Variants in ZBTB7C observed in about 807,000 individuals in gnomAD.
ZBTB7C encodes the protein zinc finger and BTB domain containing 7C.
A neutral mutation model predicts 25.7 loss-of-function variants in ZBTB7C; 8 were observed. The observed-to-expected ratio is 0.31, with a 90% CI of 0.18 to 0.56. The LOEUF is 0.56. Ranked by LOEUF, ZBTB7C falls within the 20% of genes least tolerant of loss-of-function variation. ZBTB7C has a pLI of 0.91. For synonymous variants in ZBTB7C, 394 were observed against 369.0 expected (o/e 1.07, Z -0.78); for missense variants, 824 against 855.2 (o/e 0.96, Z 0.46).
intron 3 of ZBTB7C, among the ~76,000 whole-genome samples, chr18:48,138,114 A>G (rs1286393814): frequency 6.6e-6 from 1 of 152,258 alleles, no homozygotes; most frequent in African/African-American, 2.4e-5. Context: ...CATGGAAAAT[A>G]AGCACAAAAC....
chr18:48,221,272 A>G (rs2042947201), intron 2 of ZBTB7C, among the ~76,000 whole-genome samples: 2 of 146,392 alleles, frequency 1.4e-5, no homozygotes, highest in African/African-American at 2.6e-5. Flanking sequence ...GACTCCCTCT[A>G]TACTGTCCTT....
chr18:48,306,734 C>T (rs1258432489), intron 2 of ZBTB7C, among the ~76,000 whole-genome samples: 1 of 152,152 alleles, frequency 6.6e-6, no homozygotes, highest in Non-Finnish European at 1.5e-5. Flanking sequence ...GGTATGGGGT[C>T]AGAGCCCAGC....
intron 2 of ZBTB7C, among the ~76,000 whole-genome samples, chr18:48,281,222 T>C (rs1431829249): frequency 1.3e-5 from 2 of 152,112 alleles, no homozygotes; most frequent in African/African-American, 4.8e-5. Context: ...GGAGTCCCTA[T>C]TTAATAAATG....
intron 2 of ZBTB7C, among the ~76,000 whole-genome samples, chr18:48,331,435 G>A (rs572167109): frequency 1.3e-5 from 2 of 152,310 alleles, no homozygotes; most frequent in East Asian, 3.9e-4. Context: ...CCAATGACTA[G>A]TGAGTAACCA....
chr18:48,029,457 G>T lies in ZBTB7C; in HGVS notation c.1663C>A (p.Gln555Lys). 1 of 1,598,108 alleles carries T rather than the reference G, an allele frequency of 6.3e-7. No individual in the cohort carries two copies. The highest frequency in any genetic ancestry group is 8.5e-7 in the Non-Finnish European group (1 of 1,175,428). ...QELERQFEET[Q>K]MKLFGRAQLE... ...TGCGCGCGCCCGAACAGCTTCATCT[G>T]TGTCTCCTCGAACTGCCGCTCCAGC... Residue 555 changes from glutamine to lysine, a missense_variant, in exon 5 of 5, where the codon CAG (glutamine) becomes AAG (lysine). By Grantham distance (53) the Gln-to-Lys change is moderately conservative. Around this residue, in one of 4 missense-constraint regions of ZBTB7C, gnomAD observed 342 missense variants for 307.0 expected, o/e 1.11. Transcript: ENST00000590800.
At chr18:48,093,920 G>A (rs781035264) in intron 3 of ZBTB7C, among the ~76,000 whole-genome samples, 12 of 152,090 alleles carry the variant, frequency 7.9e-5, no homozygotes, top group African/African-American at 1.2e-4. Context: ...TTAGCTGGGC[G>A]TAGTGGCAGG....
At chr18:48,190,880 C>T (rs1024580389) in intron 2 of ZBTB7C, among the ~76,000 whole-genome samples, 4 of 152,200 alleles carry the variant, frequency 2.6e-5, no homozygotes, top group African/African-American at 9.7e-5. Flanking sequence ...CTTCCCCCCA[C>T]CACCCAATCT....
chr18:48,343,023 G>A (rs2156648), intron 1 of ZBTB7C, among the ~76,000 whole-genome samples: 5,813 of 152,244 alleles, frequency 0.038, 230 homozygotes, highest in East Asian at 0.17. Flanking sequence ...GACCCAGGAC[G>A]CTCAGGCCAC....
At chr18:48,091,035 A>G (rs1243601433) in intron 3 of ZBTB7C, among the ~76,000 whole-genome samples, 1 of 152,116 alleles carries the variant, frequency 6.6e-6, no homozygotes, top group Non-Finnish European at 1.5e-5. Context: ...TAATTTTAAC[A>G]ATATATTTTA....
chr18:48,186,463 A>G (rs530469139), intron 2 of ZBTB7C, among the ~76,000 whole-genome samples: 5 of 152,230 alleles, frequency 3.3e-5, no homozygotes, highest in African/African-American at 4.8e-5. Context: ...AATTGCATTC[A>G]TGGACCCCAA....
intron 3 of ZBTB7C, among the ~76,000 whole-genome samples, chr18:48,181,844 C>T (rs2041933038): frequency 6.6e-6 from 1 of 152,200 alleles, no homozygotes; most frequent in African/African-American, 2.4e-5. Context: ...GATGTGTCTA[C>T]TAAAAACAAC....
intron 3 of ZBTB7C, among the ~76,000 whole-genome samples, chr18:48,098,947 G>A (rs2038737045): frequency 6.6e-6 from 1 of 152,180 alleles, no homozygotes. Flanking sequence ...AGGAGACAAA[G>A]AAACCTGAGT....
rs1411515509 is a variant in ZBTB7C, at chr18:48,171,317, G to A, written c.-17+14617C>T. Among the ~76,000 whole-genome samples, 3 of 152,194 alleles carry A rather than the reference G, an allele frequency of 2.0e-5. No homozygotes were observed. The East Asian group carries it at 5.8e-4, about 29-fold the overall frequency. Reference sequence around the variant, plus strand: ...GCTTTGGCCATCTCACCCCCTCCTGGAGAGCAATGGGCATGCCACACTGGG... The same window carrying A: ...GCTTTGGCCATCTCACCCCCTCCTGAAGAGCAATGGGCATGCCACACTGGG... On this transcript the variant is annotated intron_variant, in intron 3 of 4. Coordinates refer to ENST00000590800, the MANE Select transcript of ZBTB7C (RefSeq NM_001318841.2).
chr18:48,375,353 A>G (rs1394402840), intron 1 of ZBTB7C, among the ~76,000 whole-genome samples: 2 of 152,232 alleles, frequency 1.3e-5, no homozygotes, highest in Admixed American at 6.5e-5. Flanking sequence ...CCCAATTCCC[A>G]GGCCAAGCTG....
chr18:48,228,071 C>T (rs1012597052), intron 2 of ZBTB7C, among the ~76,000 whole-genome samples: 8 of 152,190 alleles, frequency 5.3e-5, no homozygotes, highest in African/African-American at 1.9e-4. Context: ...AGGATGCTTC[C>T]AGCGTCTCCC....
intron 3 of ZBTB7C, among the ~76,000 whole-genome samples, chr18:48,130,850 T>C (rs754018671): frequency 4.3e-4 from 65 of 152,186 alleles, no homozygotes; most frequent in African/African-American, 1.4e-3. Flanking sequence ...TCCCTTGAGA[T>C]TCAACTTCAG....
chr18:48,148,960 T>C (rs1224179613), intron 3 of ZBTB7C: 2 of 152,254 alleles, frequency 1.3e-5, no homozygotes, highest in African/African-American at 4.8e-5. Context: ...TTGTGAGTTA[T>C]CAGATTCCTG....
intron 2 of ZBTB7C, among the ~76,000 whole-genome samples, chr18:48,300,208 G>A (rs1411802790): frequency 6.6e-6 from 1 of 152,130 alleles, no homozygotes; most frequent in Non-Finnish European, 1.5e-5. Flanking sequence ...CTCGGGGTGG[G>A]GTGCAAGCAT....
At chr18:48,302,438 A>AT (rs34927456) in intron 2 of ZBTB7C, among the ~76,000 whole-genome samples, 26,824 of 151,778 alleles carry the variant, frequency 0.18, 2,461 homozygotes, top group African/African-American at 0.2. Flanking sequence ...TCTATATATA[A>AT]TTTTTTTTCT....
Sources: gnomAD v4.1 joint callset for allele counts (sites outside exome capture counted in the v4.1 genomes callset) on GRCh38, gnomAD v4.1.1 for gene constraint, gnomAD v4.1.1 regional missense constraint, MANE v1.5 for transcripts, NCBI Gene and HGNC (gene_info 2026-07-23, HGNC 2026-07-21) for gene names.